Variants in LRRIQ1 observed in about 807,000 individuals in gnomAD.
LRRIQ1 encodes the protein leucine-rich repeat- and IQ domain-containing protein 1.
In LRRIQ1, 210 loss-of-function variants were observed where a neutral mutation model predicts 211.9. The observed-to-expected ratio is 0.99, with a 90% confidence interval of 0.89 to 1.11. The LOEUF is 1.11. Among genes scored for constraint, LRRIQ1 ranks in the 50% most tolerant of loss-of-function variants. The probability of loss-of-function intolerance (pLI) is 0.00; values close to 1 mark genes in which losing one functional copy is unlikely to be tolerated. For synonymous variants in LRRIQ1, 699 were observed against 650.1 expected, an observed-to-expected ratio of 1.08 and a Z score of -1.14; for missense variants, 2,136 against 1,939.5, an observed-to-expected ratio of 1.10 and a Z score of -1.90.
At chr12:85,107,979 C>T (rs1327238179) in intron 15 of LRRIQ1, among the ~76,000 whole-genome samples, 1 of 151,942 alleles carries the variant, frequency 6.6e-6, no homozygotes, top group African/African-American at 2.4e-5. Flanking sequence ...ATTTAACTTC[C>T]TTATCTGTTC....
At chr12:85,123,968 A>G (rs1565850050) in intron 16 of LRRIQ1, 102 bp from the exon 17 acceptor site, 3 of 725,476 alleles carry the variant, frequency 4.1e-6, no homozygotes, top group South Asian at 1.9e-5. Flanking sequence ...CTGAAGTTTA[A>G]TATTCATTTG....
At chr12:85,262,527 C>T (rs967012566) in intron 1 of LRRIQ1, among the ~76,000 whole-genome samples, 1 of 151,756 alleles carries the variant, frequency 6.6e-6, no homozygotes, top group African/African-American at 2.4e-5. Context: ...CAAATGTTAA[C>T]ATGTTTTATT....
At chr12:85,051,506 G>A (rs1232749060) in intron 6 of LRRIQ1, among the ~76,000 whole-genome samples, 3 of 152,074 alleles carry the variant, frequency 2.0e-5, no homozygotes, top group Non-Finnish European at 4.4e-5. Context: ...TGCTTAATAA[G>A]TGCCAAAAAT....
chr12:85,089,978 G>A (rs984572055), intron 11 of LRRIQ1, among the ~76,000 whole-genome samples: 1 of 152,194 alleles, frequency 6.6e-6, no homozygotes, highest in African/African-American at 2.4e-5. Flanking sequence ...AGGACTGAAT[G>A]GTTTCCTCAG....
chr12:85,102,168 G>A (rs879836201), intron 13 of LRRIQ1, among the ~76,000 whole-genome samples: 24 of 151,234 alleles, frequency 1.6e-4, no homozygotes, highest in Admixed American at 4.0e-4. Flanking sequence ...TATACAGAAC[G>A]TGCTTGAATA....
At chr12:85,054,416 CTAAG>C (rs1198175238) in intron 7 of LRRIQ1, among the ~76,000 whole-genome samples, 1 of 152,128 alleles carries the variant, frequency 6.6e-6, no homozygotes, top group African/African-American at 2.4e-5. Context: ...TAGCATCTGT[CTAAG>C]TGTGTTGTGT....
chr12:85,243,315 TA>T (rs1205622284), intron 26 of LRRIQ1, among the ~76,000 whole-genome samples: 1 of 88,486 alleles, frequency 1.1e-5, no homozygotes, highest in African/African-American at 1.2e-4. Flanking sequence ...GTATAACTTT[TA>T]TTATTATTAT....
downstream of LRRIQ1, among the ~76,000 whole-genome samples, chr12:85,248,698 G>C (rs2137291473): frequency 6.6e-6 from 1 of 151,870 alleles, no homozygotes; most frequent in South Asian, 2.1e-4. Flanking sequence ...TTGTTCAGAA[G>C]AGAAGCAATT....
intron 26 of LRRIQ1, among the ~76,000 whole-genome samples, chr12:85,234,066 A>C (rs1355191398): frequency 1.4e-5 from 2 of 145,950 alleles, no homozygotes; most frequent in Non-Finnish European, 3.0e-5. Flanking sequence ...CCCCATCTCT[A>C]CCCCCAAAAA....
At chr12:85,226,135 T>G (rs1894640181) in intron 24 of LRRIQ1, among the ~76,000 whole-genome samples, 1 of 152,180 alleles carries the variant, frequency 6.6e-6, no homozygotes, top group Non-Finnish European at 1.5e-5. Context: ...GTAAAATTAC[T>G]TAGTGTTTAT....
At chr12:85,068,480 A>T (rs1423785041) in intron 10 of LRRIQ1, among the ~76,000 whole-genome samples, 2 of 151,868 alleles carry the variant, frequency 1.3e-5, no homozygotes, top group Admixed American at 1.3e-4. Context: ...CATTTGCTTC[A>T]TCTTTACTTT....
chr12:85,226,364 T>C (rs961941897), intron 24 of LRRIQ1, among the ~76,000 whole-genome samples: 5 of 152,116 alleles, frequency 3.3e-5, no homozygotes, highest in Non-Finnish European at 5.9e-5. Flanking sequence ...GTCATCACTG[T>C]TTTCTGTCAC....
intron 26 of LRRIQ1, among the ~76,000 whole-genome samples, chr12:85,240,790 A>G (rs1262264357): frequency 6.6e-6 from 1 of 152,134 alleles, no homozygotes; most frequent in Non-Finnish European, 1.5e-5. Context: ...TTTCATTAAT[A>G]TAAGATCCTT....
At chr12:85,091,211 G>C (rs959864394) in intron 11 of LRRIQ1, among the ~76,000 whole-genome samples, 63 of 152,094 alleles carry the variant, frequency 4.1e-4, no homozygotes, top group African/African-American at 1.4e-3. Context: ...GTAGAACCAG[G>C]AGCCAGTTAA....
chr12:85,118,555 T>G (rs1264922720), intron 15 of LRRIQ1, among the ~76,000 whole-genome samples: 1 of 150,552 alleles, frequency 6.6e-6, no homozygotes, highest in Non-Finnish European at 1.5e-5. Context: ...TCTCTTGTAA[T>G]TATTTTTTAA....
intron 24 of LRRIQ1, among the ~76,000 whole-genome samples, chr12:85,198,162 GTTATAT>G (rs1444217289): frequency 8.4e-6 from 1 of 119,134 alleles, no homozygotes; most frequent in East Asian, 2.2e-4. Context: ...TGTATTATAT[GTTATAT>G]TTATATTTAT....
At chr12:85,272,027 G>T in the LRRIQ1 span, among the ~76,000 whole-genome samples, 1 of 152,050 alleles carries the variant, frequency 6.6e-6, no homozygotes. Flanking sequence ...GGATTCCATG[G>T]TGTTCACCTC....
chr12:85,230,074 A>T (rs1305784917), intron 25 of LRRIQ1, among the ~76,000 whole-genome samples: 1 of 152,146 alleles, frequency 6.6e-6, no homozygotes, highest in Non-Finnish European at 1.5e-5. Flanking sequence ...TGATGCCCCA[A>T]AGCTTCAGTT....
At chr12:85,192,866 T>C (rs1374173600) in intron 24 of LRRIQ1, among the ~76,000 whole-genome samples, 2 of 101,438 alleles carry the variant, frequency 2.0e-5, no homozygotes, top group Non-Finnish European at 3.4e-5. Context: ...TATAGTTATA[T>C]ATTATAATTA....
Sources: allele counts gnomAD v4.1 joint callset (sites outside exome capture counted in the v4.1 genomes callset), GRCh38; gene constraint gnomAD v4.1.1; transcripts MANE v1.5; gene names NCBI Gene and HGNC (gene_info 2026-07-23, HGNC 2026-07-21).